Variants in CAMKMT observed in about 807,000 individuals in gnomAD.
The protein encoded by CAMKMT is CaM KMT.
A neutral mutation model predicts 48.0 loss-of-function variants in CAMKMT; 53 were observed. That is an observed-to-expected ratio of 1.10 (90% CI 0.89 to 1.39). The LOEUF (loss-of-function observed/expected upper bound fraction) is 1.39. Among genes scored for constraint, CAMKMT ranks in the 40% most tolerant of loss-of-function variants. The pLI is 0.00. For missense variants in CAMKMT, 428 were observed against 402.7 expected, an observed-to-expected ratio of 1.06 and a Z score of -0.54; for synonymous variants, 165 against 152.3, an observed-to-expected ratio of 1.08 and a Z score of -0.61.
chr2:44,604,337 C>G (rs764857223), intron 3 of CAMKMT, among the ~76,000 whole-genome samples: 2 of 152,130 alleles, frequency 1.3e-5, no homozygotes, highest in African/African-American at 2.4e-5. Context: ...ACTAAGATTG[C>G]CAAAGTGCTT....
chr2:44,521,472 G>C (rs1018084936), intron 3 of CAMKMT, among the ~76,000 whole-genome samples: 3 of 152,050 alleles, frequency 2.0e-5, no homozygotes, highest in Non-Finnish European at 2.9e-5. Flanking sequence ...GTAGAGATGG[G>C]GTTTCACCAT....
At chr2:44,614,243 G>C (rs900968035) in intron 3 of CAMKMT, among the ~76,000 whole-genome samples, 8 of 152,192 alleles carry the variant, frequency 5.3e-5, no homozygotes, top group African/African-American at 1.9e-4. Flanking sequence ...CACAGGGGAA[G>C]AGAGAGATGG....
chr2:44,604,803 T>A (rs1438227596), intron 3 of CAMKMT, among the ~76,000 whole-genome samples: 1 of 152,132 alleles, frequency 6.6e-6, no homozygotes, highest in Non-Finnish European at 1.5e-5. Flanking sequence ...TTGTCAGTCC[T>A]CCAGGAAATT....
intron 3 of CAMKMT, among the ~76,000 whole-genome samples, chr2:44,584,172 T>C (rs58624562): frequency 0.016 from 2,506 of 152,354 alleles, 53 homozygotes; most frequent in African/African-American, 0.049. Flanking sequence ...GATCCATCCA[T>C]GTTCTTATGT....
At chr2:44,614,624 A>G (rs1671770933) in intron 3 of CAMKMT, among the ~76,000 whole-genome samples, 1 of 152,192 alleles carries the variant, frequency 6.6e-6, no homozygotes, top group African/African-American at 2.4e-5. Flanking sequence ...AAGGAAGGGG[A>G]TGAAATCTGC....
chr2:44,669,321 G>A (rs1159345428), intron 3 of CAMKMT, among the ~76,000 whole-genome samples: 2 of 152,098 alleles, frequency 1.3e-5, no homozygotes, highest in Non-Finnish European at 2.9e-5. Flanking sequence ...TTTTTCCAGT[G>A]TATTGTTGAT....
At chr2:44,590,569 C>T (rs991226628) in intron 3 of CAMKMT, among the ~76,000 whole-genome samples, 4 of 152,184 alleles carry the variant, frequency 2.6e-5, no homozygotes, top group African/African-American at 9.6e-5. Context: ...TGAGAAGTGT[C>T]TGTTCATGTC....
intron 2 of CAMKMT, among the ~76,000 whole-genome samples, chr2:44,382,503 G>A (rs1680349899): frequency 6.8e-6 from 1 of 147,996 alleles, no homozygotes; most frequent in African/African-American, 2.5e-5. Context: ...TTTTGAGACA[G>A]AGTCTCGCTC....
chr2:44,438,265 A>T (rs540374234), intron 3 of CAMKMT, among the ~76,000 whole-genome samples: 1 of 152,302 alleles, frequency 6.6e-6, no homozygotes, highest in African/African-American at 2.4e-5. Flanking sequence ...GCATCTTCCT[A>T]CTATTAAATT....
chr2:44,398,213 T>C (rs1418794226), intron 3 of CAMKMT, among the ~76,000 whole-genome samples: 1 of 152,194 alleles, frequency 6.6e-6, no homozygotes, highest in Non-Finnish European at 1.5e-5. Context: ...TAGTAGGTGG[T>C]GGCACAGGAA....
At position 44,439,078 on chromosome 2, in the gene CAMKMT, C is replaced by G. The variant is rs1159688443; in HGVS notation, c.376+48773C>G. The stretch of plus-strand genomic sequence containing the variant: ...AGCAAAGGGACAGGTACAGAAGAAA[C>G]AGCTATAGTGAAAAGTAACCATACT... On this transcript the variant is annotated intron_variant, in intron 3 of 10. Transcript: ENST00000378494. 3.3e-5 allele frequency among the ~76,000 whole-genome samples: 5 copies of G among 152,028 alleles called. No homozygotes were observed. The East Asian group carries it at 9.6e-4, about 29-fold the overall frequency.
At chr2:44,416,626 T>C (rs1161854053) in intron 3 of CAMKMT, among the ~76,000 whole-genome samples, 2 of 138,762 alleles carry the variant, frequency 1.4e-5, no homozygotes, top group African/African-American at 5.5e-5. Flanking sequence ...TAGGCTGGAG[T>C]GCAATGGTGT....
intron 3 of CAMKMT, among the ~76,000 whole-genome samples, chr2:44,405,668 T>G (rs945850176): frequency 1.3e-5 from 2 of 152,088 alleles, no homozygotes; most frequent in African/African-American, 4.8e-5. Flanking sequence ...ATAAAATATT[T>G]AAAAAATGAA....
intron 3 of CAMKMT, among the ~76,000 whole-genome samples, chr2:44,433,394 G>A (rs1558610639): frequency 6.6e-6 from 1 of 151,988 alleles, no homozygotes; most frequent in African/African-American, 2.4e-5. Context: ...TAAGCTTTAA[G>A]TGTATTTTTT....
chr2:44,594,639 T>C (rs1345902791), intron 3 of CAMKMT, among the ~76,000 whole-genome samples: 1 of 152,150 alleles, frequency 6.6e-6, no homozygotes, highest in East Asian at 1.9e-4. Context: ...ATCCCTTCCT[T>C]ACACCTTAGA....
chr2:44,548,745 GTGGCCCTTGTT>G (rs1558694310), intron 3 of CAMKMT, among the ~76,000 whole-genome samples: 1 of 152,142 alleles, frequency 6.6e-6, no homozygotes, highest in Non-Finnish European at 1.5e-5. Context: ...TTAGCTGAGA[GTGGCCCTTGTT>G]TGCCAGCCAG....
intron 3 of CAMKMT, among the ~76,000 whole-genome samples, chr2:44,637,492 A>G (rs1673197313): frequency 6.6e-6 from 1 of 152,318 alleles, no homozygotes; most frequent in South Asian, 2.1e-4. Context: ...CATTTTTACT[A>G]GGAAACTAAT....
chr2:44,594,415 T>C (rs906399667), intron 3 of CAMKMT, among the ~76,000 whole-genome samples: 7 of 152,124 alleles, frequency 4.6e-5, no homozygotes, highest in African/African-American at 1.7e-4. Context: ...CAAACTACGC[T>C]ACAAGGCTGC....
chr2:44,368,018 A>G (rs1572641329), intron 1 of CAMKMT, among the ~76,000 whole-genome samples: 1 of 152,174 alleles, frequency 6.6e-6, no homozygotes. Flanking sequence ...TTTGACTTCC[A>G]TTGTGTTCAG....
Sources: gnomAD v4.1 joint callset for allele counts (sites outside exome capture counted in the v4.1 genomes callset) on GRCh38, gnomAD v4.1.1 for gene constraint, MANE v1.5 for transcripts, NCBI Gene and HGNC (gene_info 2026-07-23, HGNC 2026-07-21) for gene names.